The following FLNB variants were observed in gnomAD, a reference collection of about 807,000 sequenced individuals.
FLNB encodes filamin B, also known as filamin-B.
FLNB carries 111 observed loss-of-function variants against 250.6 expected under a neutral mutation model. The ratio of observed to expected loss-of-function variants is 0.44; its 90% confidence interval spans 0.38 to 0.52. The LOEUF (loss-of-function observed/expected upper bound fraction) is 0.52. Ranked by LOEUF, FLNB falls within the 20% of genes least tolerant of loss-of-function variation. The probability of loss-of-function intolerance (pLI) is 0.00; values close to 1 mark genes in which losing one functional copy is unlikely to be tolerated. For missense variants in FLNB, 2,869 were observed against 3,447.8 expected, an observed-to-expected ratio of 0.83 and a Z score of 4.20; for synonymous variants, 1,302 against 1,372.1, an observed-to-expected ratio of 0.95 and a Z score of 1.13.
chr3:58,056,195 G>A (rs1348091870), intron 1 of FLNB, among the ~76,000 whole-genome samples: 1 of 150,674 alleles, frequency 6.6e-6, no homozygotes, highest in Admixed American at 6.6e-5. Flanking sequence ...TCCTCCTCCT[G>A]GGTTCAAGGG....
chr3:58,149,796 C>A, intron 36 of FLNB, 54 bp from the exon 37 acceptor site: 2 of 1,609,054 alleles, frequency 1.2e-6, no homozygotes, highest in Non-Finnish European at 1.7e-6. Context: ...ATTCATCAGG[C>A]TCCCTCTTCC....
intron 7 of FLNB, 63 bp downstream of exon 7, chr3:58,098,040 C>A: frequency 1.3e-6 from 2 of 1,554,542 alleles, no homozygotes; most frequent in Admixed American, 1.7e-5. Flanking sequence ...GAAATATAAT[C>A]CTCGGGGACT....
At chr3:58,027,099 A>G (rs2097124516) in intron 1 of FLNB, among the ~76,000 whole-genome samples, 1 of 151,696 alleles carries the variant, frequency 6.6e-6, no homozygotes, top group East Asian at 1.9e-4. Flanking sequence ...GGTGTAGGAC[A>G]TGCTGGATTT....
chr3:58,098,728 A>G lies in FLNB; in HGVS notation c.1165A>G (p.Ile389Val). Residue 389 changes from isoleucine (I) to valine (V), a missense_variant, in exon 8 of 46, where the codon ATT (isoleucine) becomes GTT (valine). Ile to Val is a conservative substitution (Grantham distance 29). Coordinates refer to ENST00000295956, the MANE Select transcript of FLNB (RefSeq NM_001457.4). ...IYTAGAGVGD[I>V]GVEVEDPQGK... ...TCTTGTAGGAGCTGGTGTGGGTGAC[A>G]TTGGTGTGGAGGTGGAAGATCCCCA... 1 of 1,614,108 alleles carries G rather than the reference A, an allele frequency of 6.2e-7. No homozygotes were observed. The highest frequency in any genetic ancestry group is 1.1e-5 in the South Asian group (1 of 91,078).
intron 1 of FLNB, among the ~76,000 whole-genome samples, chr3:58,054,163 C>A (rs1371540289): frequency 6.6e-6 from 1 of 152,158 alleles, no homozygotes; most frequent in African/African-American, 2.4e-5. Context: ...TTGGGAGGAT[C>A]AGTTATATTG....
intron 19 of FLNB, among the ~76,000 whole-genome samples, chr3:58,119,747 C>T (rs572401500): frequency 2.0e-5 from 3 of 151,586 alleles, no homozygotes; most frequent in African/African-American, 7.3e-5. Flanking sequence ...TAACCCTCAC[C>T]TCTCCTTCTC....
In FLNB at chr3:58,168,601, G is replaced by A. The variant is rs146499414; in HGVS notation, c.7360G>A (p.Val2454Ile). 1,681 of 1,614,184 alleles carry A rather than the reference G, an allele frequency of 1.0e-3. 19 individuals are homozygous for A. Among genetic ancestry groups the A allele is most frequent in the Middle Eastern group, 6.6e-4 (4 of 6,050 alleles). Reference sequence around the variant, plus strand: ...GGCTCCTGGTAACTACCTGATCAGCGTCAAATACGGTGGGCCCAACCACAT... The same window carrying A: ...GGCTCCTGGTAACTACCTGATCAGCATCAAATACGGTGGGCCCAACCACAT... Reference protein sequence around the residue: ...PMAPGNYLISVKYGGPNHIVG... With the variant: ...PMAPGNYLISIKYGGPNHIVG... The change falls in exon 44 of 46, where the codon GTC becomes ATC. Residue 2454 changes from valine to isoleucine, a missense_variant. By Grantham distance (29) the Val-to-Ile change is conservative. Coordinates refer to ENST00000295956, the MANE Select transcript of FLNB (RefSeq NM_001457.4).
chr3:58,157,794 GT>G (rs747678357), intron 41 of FLNB, among the ~76,000 whole-genome samples: 2 of 152,180 alleles, frequency 1.3e-5, no homozygotes, highest in Non-Finnish European at 2.9e-5. Flanking sequence ...AAAGGAGCTG[GT>G]TTGGAAAAAT....
intron 18 of FLNB, among the ~76,000 whole-genome samples, chr3:58,112,664 T>C (rs936492468): frequency 4.0e-5 from 6 of 151,886 alleles, no homozygotes; most frequent in African/African-American, 1.2e-4. Flanking sequence ...CACACACACA[T>C]ACACACACAC....
chr3:58,043,654 C>A (rs1484560151), intron 1 of FLNB, among the ~76,000 whole-genome samples: 1 of 152,128 alleles, frequency 6.6e-6, no homozygotes, highest in African/African-American at 2.4e-5. Context: ...GGGCTTCTGG[C>A]ATCTCTGGAC....
At chr3:58,048,541 C>T (rs375210751) in intron 1 of FLNB, among the ~76,000 whole-genome samples, 1 of 152,222 alleles carries the variant, frequency 6.6e-6, no homozygotes, top group African/African-American at 2.4e-5. Flanking sequence ...AGCACAGGCT[C>T]ACAATCTCAG....
intron 2 of FLNB, among the ~76,000 whole-genome samples, chr3:58,077,818 TG>T (rs1309172730): frequency 6.6e-6 from 1 of 152,218 alleles, no homozygotes; most frequent in African/African-American, 2.4e-5. Context: ...CCACCCTTGA[TG>T]GGCTGCTCAT....
chr3:58,132,130 T>C, intron 25 of FLNB: 1 of 736,576 alleles, frequency 1.4e-6, no homozygotes, highest in South Asian at 1.6e-5. Context: ...GAGCATGCCA[T>C]CCTTTGATTA....
intron 29 of FLNB, 148 bp downstream of exon 29, chr3:58,138,677 A>T (rs968105908): frequency 1.3e-5 from 12 of 954,624 alleles, no homozygotes; most frequent in Non-Finnish European, 2.0e-5. Flanking sequence ...GTAGAGTCCC[A>T]GAGTAATCTC....
At chr3:58,141,974 G>T in intron 30 of FLNB, 45 bp downstream of exon 30, 1 of 1,544,962 alleles carries the variant, frequency 6.5e-7, no homozygotes, top group South Asian at 1.1e-5. Context: ...TGTTTACTCA[G>T]CCTTCATTTC....
At chr3:58,102,697 T>C (rs78107792) in intron 9 of FLNB, among the ~76,000 whole-genome samples, 1,648 of 152,350 alleles carry the variant, frequency 0.011, 33 homozygotes, top group East Asian at 0.054. Context: ...ACAGCGTTTG[T>C]AATCATCTGA....
rs968712348 is a variant in FLNB at position 58,109,938 on chromosome 3, C to A, written c.2324-72C>A. The A allele has an allele frequency of 5.4e-5, 86 of 1,585,296 alleles. No individual in the cohort carries two copies. In the African/African-American group the frequency reaches 9.7e-4, roughly 18 times the overall value. On this transcript the variant is annotated intron_variant, in intron 15 of 45. Transcript: ENST00000295956. ...CCCAATTGCTTTTTGAGGGTGTTAA[C>A]CTGAGCTGGAAGAGATTGCACAGGA...
chr3:58,145,911 G>A lies in FLNB; in HGVS notation c.5426-10G>A, dbSNP rs183917041. ...AGCACCAATTTTGTTTGTGTCCTTC[G>A]TAAACCCAGAGAGCCCACTCCAGTT... On this transcript the variant is annotated splice_polypyrimidine_tract_variant and intron_variant, in intron 32 of 45. Coordinates refer to ENST00000295956, the MANE Select transcript of FLNB (RefSeq NM_001457.4). 2.6e-3 allele frequency: 4,153 copies of A among 1,614,070 alleles called. 51 individuals are homozygous for A. In the Admixed American group the frequency reaches 0.033, roughly 13 times the overall value.
chr3:58,047,243 TC>T (rs1384912927), intron 1 of FLNB, among the ~76,000 whole-genome samples: 31 of 152,354 alleles, frequency 2.0e-4, no homozygotes, highest in African/African-American at 7.2e-4. Context: ...ATATAGATGC[TC>T]AGGACCCAGA....
Sources: allele counts gnomAD v4.1 joint callset (sites outside exome capture counted in the v4.1 genomes callset), GRCh38; gene constraint gnomAD v4.1.1; transcripts MANE v1.5; gene names NCBI Gene and HGNC (gene_info 2026-07-23, HGNC 2026-07-21).